SEPTIN9: variants seen among roughly 807,000 people sequenced by gnomAD.
SEPTIN9 encodes septin-9.
A neutral mutation model predicts 56.6 loss-of-function variants in SEPTIN9; 13 were observed. That is an observed-to-expected ratio of 0.23 (90% CI 0.15 to 0.37). The LOEUF (loss-of-function observed/expected upper bound fraction) is 0.37. SEPTIN9 is among the 10% of genes least tolerant of loss of function. SEPTIN9 has a pLI of 1.00. For missense variants in SEPTIN9, 650 were observed against 823.1 expected, an observed-to-expected ratio of 0.79 and a Z score of 2.57; for synonymous variants, 332 against 334.1, an observed-to-expected ratio of 0.99 and a Z score of 0.07.
chr17:77,380,964 C>T (rs1459791013), intron 2 of SEPTIN9, among the ~76,000 whole-genome samples: 1 of 152,216 alleles, frequency 6.6e-6, no homozygotes, highest in African/African-American at 2.4e-5. Flanking sequence ...GGCTGGAGCT[C>T]TCTGGAGCCC....
At chr17:77,478,127 G>GA (rs1458105469) in intron 3 of SEPTIN9, among the ~76,000 whole-genome samples, 7 of 151,964 alleles carry the variant, frequency 4.6e-5, no homozygotes, top group African/African-American at 9.6e-5. Context: ...GGCATTTCAG[G>GA]AAAAAAAATC....
chr17:77,341,590 C>T (rs12936590), intron 2 of SEPTIN9, among the ~76,000 whole-genome samples: 86,351 of 151,596 alleles, frequency 0.57, 25,290 homozygotes, highest in East Asian at 0.99. Flanking sequence ...GCCTGGCCAA[C>T]ATGGTGAAAC....
In SEPTIN9 at chr17:77,482,186, C is replaced by T; in HGVS notation, c.764C>T (p.Thr255Ile). 6.2e-7 allele frequency: 1 copy of T among 1,607,038 alleles called. No homozygotes were observed. The highest frequency in any genetic ancestry group is 1.1e-5 in the South Asian group (1 of 90,250). ...APSCVGDMAD[T>I]PRDAGLKQAP... ...AGCTGCGTTGGCGACATGGCCGACA[C>T]CCCCAGAGATGCCGGGCTCAAGCAG... is the stretch of plus-strand genomic sequence containing the variant. The change falls in exon 4 of 12, where the codon ACC becomes ATC. Residue 255 changes from threonine (T) to isoleucine (I), a missense_variant. Coordinates refer to ENST00000427177, the MANE Select transcript of SEPTIN9 (RefSeq NM_001113491.2).
intron 2 of SEPTIN9, among the ~76,000 whole-genome samples, chr17:77,342,329 T>C (rs1303039940): frequency 6.6e-6 from 1 of 152,174 alleles, no homozygotes; most frequent in African/African-American, 2.4e-5. Context: ...TCCTTGTCAC[T>C]GTAATGTCGG....
intron 3 of SEPTIN9, among the ~76,000 whole-genome samples, chr17:77,464,433 A>G (rs1012652774): frequency 1.3e-5 from 2 of 152,152 alleles, no homozygotes; most frequent in Non-Finnish European, 2.9e-5. Context: ...TTCAGCCTCA[A>G]AGAGCGTGTT....
chr17:77,489,437 T>C (rs2039933761), intron 7 of SEPTIN9, among the ~76,000 whole-genome samples: 1 of 152,110 alleles, frequency 6.6e-6, no homozygotes, highest in Non-Finnish European at 1.5e-5. Flanking sequence ...AGGTGGACTC[T>C]TCATGGCCTC....
chr17:77,466,813 C>G (rs2038755933), intron 3 of SEPTIN9, among the ~76,000 whole-genome samples: 1 of 152,190 alleles, frequency 6.6e-6, no homozygotes, highest in South Asian at 2.1e-4. Flanking sequence ...GAAGGCCTCG[C>G]AGGAGAGGGT....
In SEPTIN9 at chr17:77,402,662, C is replaced by T. The variant is rs377297974; in HGVS notation, c.680C>T (p.Pro227Leu). 1.9e-6 allele frequency: 3 copies of T among 1,609,402 alleles called. No individual in the cohort carries two copies. The Admixed American group carries it at 5.0e-5, about 27-fold the overall frequency. ...SQLQSRLEPKPQPPVAEATPR... is the reference protein window; with the variant it reads ...SQLQSRLEPKLQPPVAEATPR... ...CTGCAGAGCAGGCTGGAGCCCAAGC[C>T]CCAGCCCCCTGTGGCTGAGGCTACA... The change falls in exon 3 of 12, where the codon CCC (proline) becomes CTC (leucine). Residue 227 changes from proline to leucine, a missense_variant. Around this residue, in one of 2 missense-constraint regions of SEPTIN9, gnomAD observed 317 missense variants for 329.1 expected, o/e 0.96. Coordinates refer to ENST00000427177, the MANE Select transcript of SEPTIN9 (RefSeq NM_001113491.2). This position sits in a 1 kb window ranked among gnomAD's most constrained non-coding sequence, Gnocchi z 6.6.
chr17:77,423,698 C>T lies in SEPTIN9; in HGVS notation c.721+20995C>T, dbSNP rs116888109. On this transcript the variant is annotated intron_variant, in intron 3 of 11. Transcript: ENST00000427177. ...GAGCAATCCTCCACTGCCCCCGTCG[C>T]GTTCCTGCTGCAGGGAAGCCTTTCC... Among the ~76,000 whole-genome samples, 4 of 152,360 alleles carry T rather than the reference C, an allele frequency of 2.6e-5. No individual in the cohort carries two copies. The South Asian group carries it at 6.2e-4, about 24-fold the overall frequency.
At chr17:77,295,376 T>C (rs2143537397) in intron 1 of SEPTIN9, among the ~76,000 whole-genome samples, 1 of 151,858 alleles carries the variant, frequency 6.6e-6, no homozygotes, top group South Asian at 2.1e-4. Flanking sequence ...GGGGCCAGAG[T>C]CACCTGCTGG....
Position 77,492,922 on chromosome 17 carries a change from A to G in SEPTIN9, c.1477-58A>G. 4.7e-6 allele frequency: 7 copies of G among 1,484,796 alleles called. No individual in the cohort carries two copies. The highest frequency in any genetic ancestry group is 6.5e-6 in the Non-Finnish European group (7 of 1,084,776). 92.0% of individuals were successfully genotyped at this position (1,484,796 alleles called of 1,614,324 possible). ...TCAGGGCAGCTCCTCCCGGGGGCCC[A>G]GGGGAGGGAATTGCCTTCCCGCACA... On this transcript the variant is annotated intron_variant, in intron 9 of 11. Coordinates refer to ENST00000427177, the MANE Select transcript of SEPTIN9 (RefSeq NM_001113491.2). The surrounding 1 kb of genome is among the most constrained non-coding windows in gnomAD (Gnocchi z 5.4).
intron 1 of SEPTIN9, among the ~76,000 whole-genome samples, chr17:77,298,775 A>G (rs1208947056): frequency 6.6e-6 from 1 of 152,212 alleles, no homozygotes; most frequent in African/African-American, 2.4e-5. Flanking sequence ...TTGGAACAAC[A>G]TGCAATCCAA....
chr17:77,480,139 A>G (rs1291472146), intron 3 of SEPTIN9, among the ~76,000 whole-genome samples: 1 of 152,194 alleles, frequency 6.6e-6, no homozygotes, highest in Non-Finnish European at 1.5e-5. Flanking sequence ...TATTGCTCTC[A>G]GCAGTGGAGA....
In SEPTIN9 at chr17:77,313,317, G is replaced by C. The variant is rs534068452; in HGVS notation, c.76+6120G>C. 2.0e-5 allele frequency among the ~76,000 whole-genome samples: 3 copies of C among 152,220 alleles called. No homozygotes were observed. The highest frequency in any genetic ancestry group is 4.4e-5 in the Non-Finnish European group (3 of 68,044). On this transcript the variant is annotated intron_variant, in intron 2 of 11. Coordinates refer to ENST00000427177, the MANE Select transcript of SEPTIN9 (RefSeq NM_001113491.2). This position sits in a 1 kb window ranked among gnomAD's most constrained non-coding sequence, Gnocchi z 4.5. Reference sequence around the variant, plus strand: ...TGTGAGAGTGGAATTGGGCCCAACCGGGCTGCTTCTCCCCGTTGTCTTGGT... The same window carrying C: ...TGTGAGAGTGGAATTGGGCCCAACCCGGCTGCTTCTCCCCGTTGTCTTGGT...
At chr17:77,373,985 C>G in intron 2 of SEPTIN9, 1 of 161,284 alleles carries the variant, frequency 6.2e-6, no homozygotes, top group Non-Finnish European at 1.4e-5. Context: ...CCGCTTGGAC[C>G]CGGCAACGGG....
chr17:77,342,658 A>T (rs1224740846), intron 2 of SEPTIN9, among the ~76,000 whole-genome samples: 2 of 152,194 alleles, frequency 1.3e-5, no homozygotes, highest in East Asian at 3.8e-4. Context: ...CAAAGGGGTG[A>T]CATTGTGATA....
intron 2 of SEPTIN9, among the ~76,000 whole-genome samples, chr17:77,325,514 A>C (rs2033100286): frequency 6.6e-6 from 1 of 151,670 alleles, no homozygotes; most frequent in African/African-American, 2.4e-5. Flanking sequence ...CGTGCTCCCT[A>C]CCGGGAAAGC....
chr17:77,481,416 A>G (rs2143204312), intron 3 of SEPTIN9, among the ~76,000 whole-genome samples: 1 of 152,056 alleles, frequency 6.6e-6, no homozygotes, highest in East Asian at 1.9e-4. Flanking sequence ...CCCCTCCTCC[A>G]TGAGCCCAGG....
chr17:77,326,975 C>T lies in SEPTIN9; in HGVS notation c.76+19778C>T, dbSNP rs183235493. Among the ~76,000 whole-genome samples, 211 of 152,078 alleles carry T rather than the reference C, an allele frequency of 1.4e-3. 1 individual carries two copies. Among genetic ancestry groups the T allele is most frequent in the African/African-American group, 4.7e-3 (195 of 41,452 alleles). ...GGGAGCACATGGAAGCTCTGCGTCC[C>T]TCCCCCATACCTTGCCCTACACATC... On this transcript the variant is annotated intron_variant, in intron 2 of 11. Transcript: ENST00000427177. This position sits in a 1 kb window ranked among gnomAD's most constrained non-coding sequence, Gnocchi z 5.1.
Sources: gnomAD v4.1 joint callset for allele counts (sites outside exome capture counted in the v4.1 genomes callset) on GRCh38, gnomAD v4.1.1 for gene constraint, gnomAD v4.1.1 regional missense constraint, Gnocchi (gnomAD v3.1) non-coding constraint, MANE v1.5 for transcripts, NCBI Gene and HGNC (gene_info 2026-07-23, HGNC 2026-07-21) for gene names.